Variants in CYTH1 observed in about 807,000 individuals in gnomAD.
CYTH1 encodes cytohesin 1.
CYTH1 carries 18 observed loss-of-function variants against 61.8 expected under a neutral mutation model. That is an observed-to-expected ratio of 0.29 (90% CI 0.20 to 0.43). The LOEUF (loss-of-function observed/expected upper bound fraction) is 0.43. Ranked by LOEUF, CYTH1 falls within the 20% of genes least tolerant of loss-of-function variation. The pLI is 1.00. For synonymous variants in CYTH1, 174 were observed against 184.3 expected (o/e 0.94, Z 0.45); for missense variants, 336 against 510.5 (o/e 0.66, Z 3.29).
At chr17:78,681,468 G>C (rs1414658868) in intron 11 of CYTH1, among the ~76,000 whole-genome samples, 8 of 152,094 alleles carry the variant, frequency 5.3e-5, no homozygotes. Flanking sequence ...CTGTGGGTCT[G>C]ACCATTAACC....
chr17:78,755,536 G>T (rs1428318884), intron 1 of CYTH1, among the ~76,000 whole-genome samples: 1 of 146,446 alleles, frequency 6.8e-6, no homozygotes, highest in Non-Finnish European at 1.5e-5. Flanking sequence ...AATATACATT[G>T]TAACATTGTA....
intron 1 of CYTH1, among the ~76,000 whole-genome samples, chr17:78,745,226 G>T (rs966016645): frequency 3.9e-5 from 6 of 152,088 alleles, no homozygotes; most frequent in Non-Finnish European, 7.4e-5. Context: ...GCTACTTTCT[G>T]GAGGCAAAAG....
intron 1 of CYTH1, among the ~76,000 whole-genome samples, chr17:78,750,997 T>C (rs1420408540): frequency 6.6e-6 from 1 of 152,122 alleles, no homozygotes; most frequent in East Asian, 1.9e-4. Flanking sequence ...TGTTTTGTTT[T>C]GTTTAAGACA....
At chr17:78,691,447 G>C (rs1317056961) in intron 11 of CYTH1, 1 of 152,184 alleles carries the variant, frequency 6.6e-6, no homozygotes, top group African/African-American at 2.4e-5. Flanking sequence ...GGTGAATATG[G>C]TCAGGATTTC....
In CYTH1 at chr17:78,756,937, A is replaced by AAATAATT. The variant is rs1428775582; in HGVS notation, c.22+25264_22+25265insAATTATT. 1.8e-3 allele frequency among the ~76,000 whole-genome samples: 267 copies of AAATAATT among 151,896 alleles called. 1 individual carries two copies. The highest frequency in any genetic ancestry group is 5.8e-3 in the African/African-American group (241 of 41,488). ...CAATAAACATGGCAAAAATTAGACT[A>AAATAATT]AGATTATTCACAAGGCGGAATTTCA... On this transcript the variant is annotated intron_variant, in intron 1 of 13. Coordinates refer to ENST00000446868, the MANE Select transcript of CYTH1 (RefSeq NM_004762.6).
Position 78,700,284 on chromosome 17 carries a change from C to A in CYTH1, c.550+47G>T. Reference sequence around the variant, plus strand: ...AATTATCTGGTGCCAAGAAAATAATCCAGTGTAAAACGCCCATCATAAACT... The same window carrying A: ...AATTATCTGGTGCCAAGAAAATAATACAGTGTAAAACGCCCATCATAAACT... On this transcript the variant is annotated intron_variant, in intron 7 of 13. Coordinates refer to ENST00000446868, the MANE Select transcript of CYTH1 (RefSeq NM_004762.6). This position sits in a 1 kb window ranked among gnomAD's most constrained non-coding sequence, Gnocchi z 5.1. The A allele has an allele frequency of 6.8e-7, 1 of 1,478,616 alleles. No homozygotes were observed. The highest frequency in any genetic ancestry group is 9.1e-7 in the Non-Finnish European group (1 of 1,094,336). 91.6% of individuals were successfully genotyped at this position (1,478,616 alleles called of 1,614,324 possible). A position where few individuals can be genotyped will look rare whatever the true frequency, so the allele number is the denominator to read the frequency against.
chr17:78,772,287 C>G (rs2093474461), intron 1 of CYTH1, among the ~76,000 whole-genome samples: 1 of 152,152 alleles, frequency 6.6e-6, no homozygotes, highest in African/African-American at 2.4e-5. Context: ...CAGCACAATA[C>G]ACAGAGATGT....
At chr17:78,774,543 A>G (rs2093483693) in intron 1 of CYTH1, among the ~76,000 whole-genome samples, 1 of 152,206 alleles carries the variant, frequency 6.6e-6, no homozygotes, top group Non-Finnish European at 1.5e-5. Flanking sequence ...GGTTCAATCC[A>G]TTATTCCCTC....
chr17:78,756,974 T>A (rs1346412054), intron 1 of CYTH1, among the ~76,000 whole-genome samples: 1 of 149,446 alleles, frequency 6.7e-6, no homozygotes, highest in African/African-American at 2.5e-5. Flanking sequence ...GGTTTGAATT[T>A]TTTTCTTTTT....
rs1314733352 is a variant in CYTH1, at chr17:78,717,604, T to C, written c.23-7872A>G. Among the ~76,000 whole-genome samples the C allele has an allele frequency of 6.6e-6, 1 of 152,150 alleles. No individual in the cohort carries two copies. Among genetic ancestry groups the C allele is most frequent in the Non-Finnish European group, 1.5e-5 (1 of 68,006 alleles). ...ACTGTCTTAAAGGGACAGAGCCCTC[T>C]TTCCAAGCCAGAGGACGATACATGA... On this transcript the variant is annotated intron_variant, in intron 1 of 13. Transcript: ENST00000446868. This position sits in a 1 kb window ranked among gnomAD's most constrained non-coding sequence, Gnocchi z 4.4.
chr17:78,743,908 G>A (rs2093350483), intron 1 of CYTH1, among the ~76,000 whole-genome samples: 1 of 152,208 alleles, frequency 6.6e-6, no homozygotes, highest in African/African-American at 2.4e-5. Flanking sequence ...TGATAAGGCA[G>A]TAATGTGTAG....
intron 2 of CYTH1, 95 bp downstream of exon 2, chr17:78,709,555 T>C (rs2093105998): frequency 1.5e-6 from 2 of 1,305,002 alleles, no homozygotes; most frequent in African/African-American, 1.5e-5. Flanking sequence ...GTCAAAAGTG[T>C]CTTGAGGAGA....
At chr17:78,730,557 T>A (rs954473944) in intron 1 of CYTH1, among the ~76,000 whole-genome samples, 1 of 151,610 alleles carries the variant, frequency 6.6e-6, no homozygotes, top group Non-Finnish European at 1.5e-5. Flanking sequence ...CAACAGTCAC[T>A]GACTCAAAAA....
intron 1 of CYTH1, among the ~76,000 whole-genome samples, chr17:78,747,714 G>GT (rs1268403153): frequency 2.0e-5 from 3 of 152,196 alleles, no homozygotes; most frequent in Non-Finnish European, 4.4e-5. Context: ...GTTGCAGCAT[G>GT]TGTCAGAACT....
In CYTH1 at chr17:78,782,214, C is replaced by A; in HGVS notation, c.10G>T (p.Asp4Tyr). The change falls in exon 1 of 14, where the codon GAC (aspartate) becomes TAC (tyrosine). Residue 4 changes from aspartate (D) to tyrosine (Y), a missense_variant. Around this residue, in one of 4 missense-constraint regions of CYTH1, gnomAD observed 112 missense variants for 127.1 expected, o/e 0.88. Coordinates refer to ENST00000446868, the MANE Select transcript of CYTH1 (RefSeq NM_004762.6). ...GGGGCGCACTGACCGTAGCTGTCGTCCTCCTCCATGGTGCGGGAGCCGGGC... is the reference window on the plus strand; with the variant it reads ...GGGGCGCACTGACCGTAGCTGTCGTACTCCTCCATGGTGCGGGAGCCGGGC... MEE[D>Y]DSYVPSDLTA... 7.3e-7 allele frequency: 1 copy of A among 1,366,588 alleles called. No individual in the cohort carries two copies. The allele number at this position is 1,366,588 out of a possible 1,614,324, so 84.7% of individuals were successfully genotyped here. A position where few individuals can be genotyped will look rare whatever the true frequency, so the allele number is the denominator to read the frequency against.
intron 1 of CYTH1, among the ~76,000 whole-genome samples, chr17:78,744,233 G>C (rs1380134479): frequency 7.2e-5 from 11 of 152,202 alleles, no homozygotes; most frequent in Non-Finnish European, 4.4e-5. Context: ...AGGAGATGGA[G>C]AGGAGACCTG....
intron 1 of CYTH1, among the ~76,000 whole-genome samples, chr17:78,715,820 A>T (rs2093176373): frequency 6.6e-6 from 1 of 152,124 alleles, no homozygotes; most frequent in African/African-American, 2.4e-5. Flanking sequence ...TAGTTAACTT[A>T]CAGAATCACC....
rs550845639 is a variant in CYTH1, at chr17:78,693,171, G to A, written c.815-678C>T. 9.8e-5 allele frequency among the ~76,000 whole-genome samples: 15 copies of A among 152,316 alleles called. No homozygotes were observed. In the South Asian group the frequency reaches 3.1e-3, roughly 32 times the overall value. On this transcript the variant is annotated intron_variant, in intron 10 of 13. Coordinates refer to ENST00000446868, the MANE Select transcript of CYTH1 (RefSeq NM_004762.6). ...AAGGAAGAATCAACTCGTACTGAGA[G>A]GTGGCCTCAGGAGCCTTTTCCGTTC... is the stretch of plus-strand genomic sequence containing the variant.
At chr17:78,756,828 A>G (rs1005131319) in intron 1 of CYTH1, among the ~76,000 whole-genome samples, 10 of 151,702 alleles carry the variant, frequency 6.6e-5, no homozygotes, top group African/African-American at 2.4e-4. Context: ...TCTCATTTAA[A>G]AAAAAAAAAG....
Sources: gnomAD v4.1 joint callset for allele counts (sites outside exome capture counted in the v4.1 genomes callset) on GRCh38, gnomAD v4.1.1 for gene constraint, gnomAD v4.1.1 regional missense constraint, Gnocchi (gnomAD v3.1) non-coding constraint, MANE v1.5 for transcripts, NCBI Gene and HGNC (gene_info 2026-07-23, HGNC 2026-07-21) for gene names.